The following CCDC192 variants were observed in gnomAD, a reference collection of about 807,000 sequenced individuals.
The protein encoded by CCDC192 is coiled-coil domain containing 192.
chr5:127,912,484 AG>A lies in CCDC192; in HGVS notation c.536-28696del, dbSNP rs1753402550. On this transcript the variant is annotated intron_variant, in intron 6 of 6. Coordinates refer to ENST00000514853, the MANE Select transcript of CCDC192 (RefSeq NM_001317938.2). Reference sequence around the variant, plus strand: ...TTCTTTTTTTAACTGTAATGTTTAGAGGTTATACTAAAGATGTTTAGAGCTT... The same window carrying A: ...TTCTTTTTTTAACTGTAATGTTTAGAGTTATACTAAAGATGTTTAGAGCTT... Among the ~76,000 whole-genome samples, 3 of 145,426 alleles carry A rather than the reference AG, an allele frequency of 2.1e-5. No individual in the cohort carries two copies. The South Asian group carries it at 6.6e-4, about 32-fold the overall frequency.
At chr5:127,779,823 G>A (rs1756088344) in intron 3 of CCDC192, among the ~76,000 whole-genome samples, 1 of 151,888 alleles carries the variant, frequency 6.6e-6, no homozygotes, top group Non-Finnish European at 1.5e-5. Context: ...AGATTTTGGT[G>A]CACCCATCAC....
chr5:127,779,416 C>G (rs1756057802), intron 3 of CCDC192, among the ~76,000 whole-genome samples: 1 of 152,232 alleles, frequency 6.6e-6, no homozygotes, highest in African/African-American at 2.4e-5. Flanking sequence ...CTGCCTCAGC[C>G]TCCCAAGTAG....
intron 6 of CCDC192, among the ~76,000 whole-genome samples, chr5:127,899,273 G>A (rs1752977819): frequency 6.6e-6 from 1 of 152,166 alleles, no homozygotes; most frequent in African/African-American, 2.4e-5. Context: ...ACAGACATTT[G>A]TCTGAGGAGA....
intron 5 of CCDC192, among the ~76,000 whole-genome samples, chr5:127,855,226 TC>T (rs1206029734): frequency 6.6e-6 from 1 of 152,202 alleles, no homozygotes; most frequent in African/African-American, 2.4e-5. Context: ...CTGGAGTCAA[TC>T]CTCTCAAACC....
intron 3 of CCDC192, among the ~76,000 whole-genome samples, chr5:127,757,082 T>C (rs1034286875): frequency 6.6e-6 from 1 of 152,222 alleles, no homozygotes; most frequent in African/African-American, 2.4e-5. Flanking sequence ...ATAAGTAAGG[T>C]GCTGGTTAGG....
chr5:127,749,833 T>G (rs1754026359), intron 2 of CCDC192, among the ~76,000 whole-genome samples: 1 of 152,222 alleles, frequency 6.6e-6, no homozygotes, highest in Non-Finnish European at 1.5e-5. Context: ...CTTCCTGGTT[T>G]AGTCTTGGGA....
intron 5 of CCDC192, among the ~76,000 whole-genome samples, chr5:127,871,857 G>T (rs1751878219): frequency 6.6e-6 from 1 of 152,134 alleles, no homozygotes; most frequent in Non-Finnish European, 1.5e-5. Context: ...GGAGAAGTAG[G>T]AAAAGAGCAC....
chr5:127,769,324 G>T (rs1043914883), intron 3 of CCDC192, among the ~76,000 whole-genome samples: 1 of 152,088 alleles, frequency 6.6e-6, no homozygotes, highest in African/African-American at 2.4e-5. Context: ...GGAACAGATT[G>T]TGAGGAATTC....
chr5:127,911,885 G>A (rs1416620595), intron 6 of CCDC192, among the ~76,000 whole-genome samples: 1 of 151,040 alleles, frequency 6.6e-6, no homozygotes, highest in African/African-American at 2.4e-5. Context: ...TTGTTTTTGG[G>A]CTTTTTTAAG....
intron 5 of CCDC192, among the ~76,000 whole-genome samples, chr5:127,826,711 C>T (rs979988424): frequency 6.7e-6 from 1 of 150,180 alleles, no homozygotes; most frequent in Non-Finnish European, 1.5e-5. Flanking sequence ...TGGGATCATT[C>T]ATATCCCAAA....
chr5:127,924,096 G>A (rs530334354), intron 6 of CCDC192, among the ~76,000 whole-genome samples: 71 of 152,284 alleles, frequency 4.7e-4, no homozygotes, highest in African/African-American at 1.7e-3. Context: ...TTGATTCTTT[G>A]AGGTTAATCT....
At chr5:127,819,875 G>T (rs1048908312) in intron 5 of CCDC192, among the ~76,000 whole-genome samples, 2 of 152,150 alleles carry the variant, frequency 1.3e-5, no homozygotes, top group African/African-American at 4.8e-5. Context: ...ATAGTCCATG[G>T]TCTATAAGGT....
chr5:127,756,806 C>T (rs375911444), intron 3 of CCDC192, among the ~76,000 whole-genome samples: 39 of 152,288 alleles, frequency 2.6e-4, no homozygotes, highest in African/African-American at 9.4e-4. Flanking sequence ...AAAGTTAGTT[C>T]GGCCTATGCC....
intron 2 of CCDC192, among the ~76,000 whole-genome samples, chr5:127,745,478 T>A (rs1328887857): frequency 6.6e-6 from 1 of 152,216 alleles, no homozygotes; most frequent in Non-Finnish European, 1.5e-5. Context: ...AATAGTCAGG[T>A]GTCTTTACTG....
intron 3 of CCDC192, among the ~76,000 whole-genome samples, chr5:127,775,937 G>A (rs1465386254): frequency 1.3e-5 from 2 of 152,180 alleles, no homozygotes; most frequent in Admixed American, 1.3e-4. Flanking sequence ...CCCCAGCCAT[G>A]TGGAATTGTG....
intron 5 of CCDC192, among the ~76,000 whole-genome samples, chr5:127,836,235 T>C (rs1750028164): frequency 6.6e-6 from 1 of 152,218 alleles, no homozygotes; most frequent in South Asian, 2.1e-4. Context: ...TTTGACTCCA[T>C]GTCTCACATC....
chr5:127,894,737 T>G (rs1350371206), intron 6 of CCDC192, among the ~76,000 whole-genome samples: 2 of 152,170 alleles, frequency 1.3e-5, no homozygotes, highest in African/African-American at 4.8e-5. Context: ...TCTAAATAGC[T>G]GACAAAAGTA....
At chr5:127,704,347 C>A (rs1750840280) in intron 1 of CCDC192, among the ~76,000 whole-genome samples, 1 of 152,178 alleles carries the variant, frequency 6.6e-6, no homozygotes. Context: ...TGCCATCATG[C>A]CCAGCTAATT....
At chr5:127,860,722 G>A (rs1751322718) in intron 5 of CCDC192, among the ~76,000 whole-genome samples, 1 of 152,128 alleles carries the variant, frequency 6.6e-6, no homozygotes, top group South Asian at 2.1e-4. Context: ...CAGAAAGCAT[G>A]CAAATAATCA....
Sources: allele counts gnomAD v4.1 joint callset (sites outside exome capture counted in the v4.1 genomes callset), GRCh38; gene constraint gnomAD v4.1.1; transcripts MANE v1.5; gene names NCBI Gene and HGNC (gene_info 2026-07-23, HGNC 2026-07-21).